The following NXPE4 variants were observed in gnomAD, a reference collection of about 807,000 sequenced individuals.
NXPE4 encodes the protein neurexophilin and PC-esterase domain family member 4.
A neutral mutation model predicts 33.3 loss-of-function variants in NXPE4; 42 were observed. The observed-to-expected ratio is 1.26, with a 90% confidence interval of 0.98 to 1.63. NXPE4 has a LOEUF of 1.63. Ranked by LOEUF, NXPE4 falls within the 40% of genes most tolerant of loss-of-function variation. NXPE4 has a pLI of 0.00. For synonymous variants in NXPE4, 253 were observed against 234.9 expected (o/e 1.08, Z -0.71); for missense variants, 709 against 647.6 (o/e 1.09, Z -1.03).
chr11:114,616,343 T>TAAA, the NXPE4 span, among the ~76,000 whole-genome samples: 1 of 151,112 alleles, frequency 6.6e-6, no homozygotes, highest in Non-Finnish European at 1.5e-5. Context: ...ACCTGATGGA[T>TAAA]AAGTGTTGCC....
At position 114,594,775 on chromosome 11, in the gene NXPE4, A is replaced by G; in HGVS notation, c.-10-6T>C. On this transcript the variant is annotated splice_polypyrimidine_tract_variant and splice_region_variant and intron_variant, in intron 1 of 5. Coordinates refer to ENST00000375478, the MANE Select transcript of NXPE4 (RefSeq NM_001077639.2). ...TTATTTTCATGATTAGGATCCTACA[A>G]GAGACAATACAAAAACAAGCACAAA... The G allele has an allele frequency of 1.5e-6, 2 of 1,302,530 alleles. No homozygotes were observed. The highest frequency in any genetic ancestry group is 1.3e-5 in the South Asian group (1 of 79,118). The allele number at this position is 1,302,530 out of a possible 1,614,324, so 80.7% of individuals were successfully genotyped here. A position where few individuals can be genotyped will look rare whatever the true frequency, so the allele number is the denominator to read the frequency against.
intron 5 of NXPE4, among the ~76,000 whole-genome samples, chr11:114,577,030 T>C (rs28887468): frequency 3.6e-5 from 1 of 28,026 alleles, no homozygotes; most frequent in African/African-American, 1.8e-4. Flanking sequence ...TATATATACA[T>C]ATATATATAT....
chr11:114,584,977 C>A (rs1949257023), intron 2 of NXPE4, among the ~76,000 whole-genome samples: 1 of 152,024 alleles, frequency 6.6e-6, no homozygotes, highest in Admixed American at 6.6e-5. Context: ...AAACAGAAGA[C>A]AAAATCCTGA....
chr11:114,658,635 G>C, the NXPE4 span, among the ~76,000 whole-genome samples: 1 of 152,172 alleles, frequency 6.6e-6, no homozygotes, highest in Non-Finnish European at 1.5e-5. Context: ...GAAGATCCCT[G>C]TGGTTGGGAA....
chr11:114,663,621 C>CTA, the NXPE4 span, among the ~76,000 whole-genome samples: 4 of 97,158 alleles, frequency 4.1e-5, no homozygotes, highest in Non-Finnish European at 8.9e-5. Flanking sequence ...ATCTATCTAT[C>CTA]TATCTATCTA....
At chr11:114,625,938 A>T in the NXPE4 span, among the ~76,000 whole-genome samples, 4 of 151,908 alleles carry the variant, frequency 2.6e-5, no homozygotes, top group African/African-American at 9.7e-5. Context: ...AAATCAGGTC[A>T]CTCCCACCCG....
At chr11:114,635,664 T>C in the NXPE4 span, among the ~76,000 whole-genome samples, 1 of 151,914 alleles carries the variant, frequency 6.6e-6, no homozygotes, top group Non-Finnish European at 1.5e-5. Flanking sequence ...ATTGAGAGTT[T>C]TTAGCCTGAA....
chr11:114,638,532 A>G, the NXPE4 span, among the ~76,000 whole-genome samples: 11 of 151,998 alleles, frequency 7.2e-5, no homozygotes, highest in Middle Eastern at 3.4e-3. Flanking sequence ...TTCGAGGAGG[A>G]GAGGTGCTCT....
chr11:114,602,428 G>T, the NXPE4 span, among the ~76,000 whole-genome samples: 2 of 130,174 alleles, frequency 1.5e-5, no homozygotes, highest in African/African-American at 5.6e-5. Flanking sequence ...ATCAATAAAT[G>T]TAATTATAAT....
intron 2 of NXPE4, among the ~76,000 whole-genome samples, chr11:114,591,846 T>A (rs1949462785): frequency 6.6e-6 from 1 of 152,176 alleles, no homozygotes; most frequent in Non-Finnish European, 1.5e-5. Flanking sequence ...ATGCAAGGAT[T>A]ATCTGAGATA....
the NXPE4 span, among the ~76,000 whole-genome samples, chr11:114,652,384 G>A: frequency 6.6e-6 from 1 of 152,172 alleles, no homozygotes. Flanking sequence ...CCTAGACTGC[G>A]ATTTGTACAG....
the NXPE4 span, among the ~76,000 whole-genome samples, chr11:114,622,823 T>A: frequency 6.6e-6 from 1 of 152,122 alleles, no homozygotes; most frequent in South Asian, 2.1e-4. Flanking sequence ...GTTACCACTC[T>A]TACCCAGTGG....
At chr11:114,642,420 C>G in the NXPE4 span, among the ~76,000 whole-genome samples, 1 of 151,944 alleles carries the variant, frequency 6.6e-6, no homozygotes, top group African/African-American at 2.4e-5. Flanking sequence ...CTATCCCTCC[C>G]CACTCCCCCC....
rs535890161 is a variant in NXPE4 at position 114,571,529 on chromosome 11, G to A, written c.1100-56C>T. ...AGGAGGATATAGTTACCAAGATTGA[G>A]TAGATATAAAGATGGAAGAGATTTG... is the stretch of plus-strand genomic sequence containing the variant. On this transcript the variant is annotated intron_variant, in intron 5 of 5. Coordinates refer to ENST00000375478, the MANE Select transcript of NXPE4 (RefSeq NM_001077639.2). 30 of 1,424,886 alleles carry A rather than the reference G, an allele frequency of 2.1e-5. No individual in the cohort carries two copies. In the African/African-American group the frequency reaches 3.7e-4, roughly 18 times the overall value. The allele number at this position is 1,424,886 out of a possible 1,614,324, so 88.3% of individuals were successfully genotyped here.
intron 2 of NXPE4, chr11:114,583,670 C>T (rs992095024): frequency 3.4e-6 from 2 of 584,378 alleles, no homozygotes; most frequent in Non-Finnish European, 6.8e-6. Flanking sequence ...TGGAGGCCTG[C>T]ACCATGCAAA....
chr11:114,667,905 T>A, the NXPE4 span, among the ~76,000 whole-genome samples: 1 of 151,814 alleles, frequency 6.6e-6, no homozygotes, highest in African/African-American at 2.4e-5. Flanking sequence ...AGATAATAAA[T>A]GTTTATTGTT....
At chr11:114,646,129 A>G in the NXPE4 span, among the ~76,000 whole-genome samples, 4 of 152,158 alleles carry the variant, frequency 2.6e-5, no homozygotes, top group African/African-American at 9.6e-5. Context: ...TCATTTTTAT[A>G]TGCTGGCCTG....
At chr11:114,665,181 C>T in the NXPE4 span, among the ~76,000 whole-genome samples, 1 of 152,052 alleles carries the variant, frequency 6.6e-6, no homozygotes, top group Non-Finnish European at 1.5e-5. Flanking sequence ...ATGCCATTAT[C>T]TTAGCAAAAT....
chr11:114,585,628 T>G (rs1343030677), intron 2 of NXPE4, among the ~76,000 whole-genome samples: 1 of 152,008 alleles, frequency 6.6e-6, no homozygotes, highest in Admixed American at 6.6e-5. Context: ...TGTATATACA[T>G]TCAACATTTA....
Sources: gnomAD v4.1 joint callset for allele counts (sites outside exome capture counted in the v4.1 genomes callset) on GRCh38, gnomAD v4.1.1 for gene constraint, MANE v1.5 for transcripts, NCBI Gene and HGNC (gene_info 2026-07-23, HGNC 2026-07-21) for gene names.